The following ESRRG variants were observed in gnomAD, a reference collection of about 807,000 sequenced individuals.
The protein encoded by ESRRG is estrogen related receptor gamma, also known as estrogen-related receptor gamma.
Under a neutral mutation model 44.0 loss-of-function variants are expected in ESRRG, and 13 were observed. The observed-to-expected ratio is 0.30, with a 90% confidence interval of 0.19 to 0.47. The LOEUF (loss-of-function observed/expected upper bound fraction) is 0.47. Among genes scored for constraint, ESRRG ranks in the 20% least tolerant of loss-of-function variants. ESRRG has a pLI of 1.00. For missense variants in ESRRG, 395 were observed against 580.6 expected (o/e 0.68, Z 3.29); for synonymous variants, 215 against 214.6 (o/e 1.00, Z -0.02).
chr1:216,798,127 T>A (rs2094522749), intron 2 of ESRRG, among the ~76,000 whole-genome samples: 1 of 152,142 alleles, frequency 6.6e-6, no homozygotes, highest in South Asian at 2.1e-4. Context: ...CTTCCATCTT[T>A]CCTTCTTTCT....
chr1:216,520,751 C>A (rs534615844), intron 5 of ESRRG, among the ~76,000 whole-genome samples: 1 of 152,122 alleles, frequency 6.6e-6, no homozygotes, highest in South Asian at 2.1e-4. Context: ...AAAGGAAGGA[C>A]CATTTTTAAT....
chr1:217,045,289 C>T (rs767478751), intron 1 of ESRRG, among the ~76,000 whole-genome samples: 6 of 152,094 alleles, frequency 3.9e-5, no homozygotes, highest in Admixed American at 6.6e-5. Context: ...GGATTGTAAA[C>T]GACAAAAACC....
intron 2 of ESRRG, among the ~76,000 whole-genome samples, chr1:216,857,624 T>G (rs2149059198): frequency 1.3e-5 from 2 of 152,024 alleles, no homozygotes; most frequent in South Asian, 4.2e-4. Context: ...TCTGCAACTC[T>G]GTGTATCTCA....
At chr1:216,706,433 C>T (rs185690781) in intron 1 of ESRRG, among the ~76,000 whole-genome samples, 1 of 152,242 alleles carries the variant, frequency 6.6e-6, no homozygotes, top group East Asian at 1.9e-4. Context: ...TTTGATGTTG[C>T]AGAAAATGCT....
intron 1 of ESRRG, among the ~76,000 whole-genome samples, chr1:217,110,582 G>A (rs1486877861): frequency 1.3e-5 from 2 of 152,136 alleles, no homozygotes; most frequent in African/African-American, 4.8e-5. Flanking sequence ...TACAATCATG[G>A]TGGAAGGCAA....
intron 1 of ESRRG, among the ~76,000 whole-genome samples, chr1:217,099,688 T>G (rs2092478474): frequency 6.6e-6 from 1 of 152,218 alleles, no homozygotes; most frequent in Non-Finnish European, 1.5e-5. Flanking sequence ...AAACATTCTC[T>G]AGAGTTCTAA....
intron 1 of ESRRG, among the ~76,000 whole-genome samples, chr1:217,079,380 C>G (rs1037872276): frequency 5.3e-5 from 8 of 152,184 alleles, no homozygotes; most frequent in African/African-American, 1.9e-4. Context: ...TTAAATGTGT[C>G]AGGTAGCACG....
intron 1 of ESRRG, among the ~76,000 whole-genome samples, chr1:217,132,801 C>A (rs927204765): frequency 1.3e-5 from 2 of 152,100 alleles, no homozygotes; most frequent in African/African-American, 4.8e-5. Context: ...TGAAGTATTT[C>A]TAAGAGGACA....
intron 1 of ESRRG, among the ~76,000 whole-genome samples, chr1:217,035,849 A>G (rs1481028455): frequency 6.6e-6 from 1 of 152,192 alleles, no homozygotes; most frequent in Non-Finnish European, 1.5e-5. Flanking sequence ...GTGGCAATAG[A>G]AACTATCAAC....
At chr1:216,756,722 T>A (rs1171171229) in intron 2 of ESRRG, among the ~76,000 whole-genome samples, 1 of 152,042 alleles carries the variant, frequency 6.6e-6, no homozygotes. Flanking sequence ...AGCGAAATGT[T>A]GACACTGAAA....
chr1:217,069,663 T>C (rs1286557636), intron 1 of ESRRG, among the ~76,000 whole-genome samples: 1 of 151,990 alleles, frequency 6.6e-6, no homozygotes, highest in Non-Finnish European at 1.5e-5. Flanking sequence ...AAAACCCACA[T>C]CTTCAAAACA....
intron 1 of ESRRG, among the ~76,000 whole-genome samples, chr1:216,990,373 T>C (rs959974515): frequency 9.2e-5 from 14 of 152,246 alleles, no homozygotes; most frequent in African/African-American, 2.9e-4. Flanking sequence ...AAATAATCAA[T>C]GCAAACAACG....
At chr1:216,680,659 C>T (rs6695824) in intron 1 of ESRRG, among the ~76,000 whole-genome samples, 32,011 of 152,144 alleles carry the variant, frequency 0.21, 3,655 homozygotes, top group Middle Eastern at 0.28. Flanking sequence ...CAGTTGTCTC[C>T]TAATTACTAC....
chr1:216,734,853 T>C (rs2089554046), intron 2 of ESRRG, among the ~76,000 whole-genome samples: 1 of 151,504 alleles, frequency 6.6e-6, no homozygotes, highest in South Asian at 2.1e-4. Context: ...TTCCCCCCTC[T>C]ACCCTGTAAA....
At chr1:216,581,207 C>T (rs989899621) in intron 3 of ESRRG, among the ~76,000 whole-genome samples, 2 of 152,144 alleles carry the variant, frequency 1.3e-5, no homozygotes, top group Admixed American at 6.5e-5. Flanking sequence ...AGGCATTTGG[C>T]TAAAGATGAC....
chr1:216,506,525 T>A lies in ESRRG; in HGVS notation c.*414A>T, dbSNP rs1014848967. 8 of 407,470 alleles carry A rather than the reference T, an allele frequency of 2.0e-5. No individual in the cohort carries two copies. The highest frequency in any genetic ancestry group is 3.3e-5 in the Non-Finnish European group (7 of 209,078). The allele number at this position is 407,470 out of a possible 1,614,324, so 25.2% of individuals were successfully genotyped here. On this transcript the variant is annotated 3_prime_UTR_variant, in exon 7 of 7. Coordinates refer to ENST00000408911, the MANE Select transcript of ESRRG (RefSeq NM_001438.4). The stretch of plus-strand genomic sequence containing the variant: ...AAAGGGGGAAGGGAGGATTTTTTTT[T>A]AAACTAAAGCTATTTCAAATTTAGA...
upstream of ESRRG, among the ~76,000 whole-genome samples, chr1:216,727,697 G>A (rs978201588): frequency 2.6e-5 from 4 of 152,032 alleles, no homozygotes; most frequent in Non-Finnish European, 4.4e-5. Context: ...TTGGCAAGAA[G>A]CAATCATTTC....
At chr1:216,513,538 A>G (rs1420918006) in intron 6 of ESRRG, among the ~76,000 whole-genome samples, 1 of 152,160 alleles carries the variant, frequency 6.6e-6, no homozygotes, top group Admixed American at 6.6e-5. Flanking sequence ...TGCTGTGGCT[A>G]AAAAGCTAGT....
intron 1 of ESRRG, among the ~76,000 whole-genome samples, chr1:217,105,653 T>A (rs952350637): frequency 6.6e-6 from 1 of 152,204 alleles, no homozygotes; most frequent in African/African-American, 2.4e-5. Context: ...TGCTGACTCC[T>A]GTAGGAGCGC....
Sources: allele counts gnomAD v4.1 joint callset (sites outside exome capture counted in the v4.1 genomes callset), GRCh38; gene constraint gnomAD v4.1.1; transcripts MANE v1.5; gene names NCBI Gene and HGNC (gene_info 2026-07-23, HGNC 2026-07-21).